Variants in HMGB1 observed in about 807,000 individuals in gnomAD.
The protein encoded by HMGB1 is high mobility group protein B1.
For synonymous variants in HMGB1, 81 were observed against 84.0 expected (o/e 0.96, Z 0.19); for missense variants, 79 against 253.5 (o/e 0.31, Z 4.67).
chr13:30,532,104 C>T (rs545461635), intron 1 of HMGB1, among the ~76,000 whole-genome samples: 4 of 151,830 alleles, frequency 2.6e-5, no homozygotes, highest in Admixed American at 1.3e-4. Flanking sequence ...TTTGGGAGGC[C>T]GAGGCGAGCA....
Position 30,538,451 on chromosome 13 carries a change from ATTCTTTCTTTCT to A in HMGB1, c.-14-74769_-14-74758del, listed in dbSNP as rs760828749. Among the ~76,000 whole-genome samples the A allele has an allele frequency of 5.4e-3, 487 of 90,654 alleles. 35 individuals carry two copies. Among genetic ancestry groups the A allele is most frequent in the Non-Finnish European group, 6.7e-3 (325 of 48,374 alleles). 59.5% of individuals were successfully genotyped at this position (90,654 alleles called of 152,430 possible). On this transcript the variant is annotated intron_variant, in intron 1 of 4. Coordinates refer to the HMGB1 transcript ENST00000405805. ...ACCACTGCAGTAACTAGTACTAGCA[ATTCTTTCTTTCT>A]TTCTTTCTTTCTTTCTTTCTTTCTT... is the stretch of plus-strand genomic sequence containing the variant.
intron 1 of HMGB1, among the ~76,000 whole-genome samples, chr13:30,538,575 T>TC (rs1868632437): frequency 6.8e-6 from 1 of 146,454 alleles, no homozygotes; most frequent in African/African-American, 2.6e-5. Context: ...TCTTTTTCTT[T>TC]CTTTCTTTCT....
intron 1 of HMGB1, among the ~76,000 whole-genome samples, chr13:30,524,447 C>G (rs569991485): frequency 6.6e-6 from 1 of 151,282 alleles, no homozygotes; most frequent in East Asian, 1.9e-4. Flanking sequence ...AGGAAACTTA[C>G]AATCGTGGTG....
At chr13:30,505,356 T>A (rs1436869011) in intron 1 of HMGB1, among the ~76,000 whole-genome samples, 2 of 152,180 alleles carry the variant, frequency 1.3e-5, no homozygotes, top group East Asian at 1.9e-4. Flanking sequence ...TTTTTTGTAT[T>A]TTTAGTAGAG....
rs558065970 is a variant in HMGB1 at position 30,609,028 on chromosome 13, A to G, written c.-15+7643T>C. On this transcript the variant is annotated intron_variant, in intron 1 of 4. Transcript: ENST00000405805. ...TGTAATCCCAGCACTTGGGGAGGCC[A>G]AGGCGGGTGGATCACGAGGTCAGGA... is the stretch of plus-strand genomic sequence containing the variant. 8.6e-4 allele frequency among the ~76,000 whole-genome samples: 120 copies of G among 139,674 alleles called. 1 individual carries two copies. Among genetic ancestry groups the G allele is most frequent in the Non-Finnish European group, 1.7e-3 (99 of 59,844 alleles). The allele number at this position is 139,674 out of a possible 152,430, so 91.6% of individuals were successfully genotyped here. A position where few individuals can be genotyped will look rare whatever the true frequency, so the allele number is the denominator to read the frequency against.
chr13:30,598,503 C>A (rs1011096082), intron 1 of HMGB1, among the ~76,000 whole-genome samples: 19 of 152,170 alleles, frequency 1.2e-4, no homozygotes, highest in African/African-American at 3.9e-4. Flanking sequence ...CAACTGGCCT[C>A]CTCATTTTTC....
intron 1 of HMGB1, chr13:30,553,701 G>T: frequency 1.0e-6 from 1 of 954,426 alleles, no homozygotes; most frequent in Non-Finnish European, 1.7e-6. Context: ...GGAGTTCAAG[G>T]AGTTGGATGC....
chr13:30,493,957 T>C (rs1458658511), intron 1 of HMGB1, among the ~76,000 whole-genome samples: 1 of 151,480 alleles, frequency 6.6e-6, no homozygotes, highest in Non-Finnish European at 1.5e-5. Context: ...AAAAAAAAAA[T>C]TGGGAAAATG....
chr13:30,522,109 CTT>C (rs35096026), intron 1 of HMGB1, among the ~76,000 whole-genome samples: 2 of 130,154 alleles, frequency 1.5e-5, no homozygotes, highest in Non-Finnish European at 1.6e-5. Context: ...AATTATGATA[CTT>C]TTTTTTTTTT....
At chr13:30,578,563 T>C (rs1870763243) in intron 1 of HMGB1, among the ~76,000 whole-genome samples, 1 of 152,028 alleles carries the variant, frequency 6.6e-6, no homozygotes, top group Non-Finnish European at 1.5e-5. Context: ...TTCCTAACTC[T>C]AATCTCTCTT....
At chr13:30,614,949 A>G (rs1161405566) in intron 1 of HMGB1, among the ~76,000 whole-genome samples, 1 of 148,098 alleles carries the variant, frequency 6.8e-6, no homozygotes, top group Non-Finnish European at 1.5e-5. Context: ...TGACCTCGTG[A>G]TCCACCCACC....
chr13:30,613,868 T>G (rs1950535816), intron 1 of HMGB1, among the ~76,000 whole-genome samples: 1 of 152,018 alleles, frequency 6.6e-6, no homozygotes, highest in Non-Finnish European at 1.5e-5. Context: ...AGGTCTTCAT[T>G]GCACAATGCT....
At chr13:30,544,887 G>C (rs1421110507) in intron 1 of HMGB1, among the ~76,000 whole-genome samples, 1 of 152,168 alleles carries the variant, frequency 6.6e-6, no homozygotes, top group African/African-American at 2.4e-5. Context: ...AGGACAGGCA[G>C]AGAACTGGCG....
At position 30,533,938 on chromosome 13, in the gene HMGB1, C is replaced by T. The variant is rs1387782966; in HGVS notation, c.-14-70244G>A. 2.0e-5 allele frequency among the ~76,000 whole-genome samples: 3 copies of T among 147,738 alleles called. No homozygotes were observed. The East Asian group carries it at 6.1e-4, about 30-fold the overall frequency. ...GGAGTGCAATGGTGTGATCTCGGCT[C>T]ACCGCAACCTCCGCCTCCCAGGTTC... On this transcript the variant is annotated intron_variant, in intron 1 of 4. Transcript: ENST00000405805.
intron 1 of HMGB1, among the ~76,000 whole-genome samples, chr13:30,554,920 CCTT>C: frequency 6.6e-6 from 1 of 152,068 alleles, no homozygotes; most frequent in East Asian, 1.9e-4. Flanking sequence ...GGCTTGCTAA[CCTT>C]CTAGATTGCC....
At chr13:30,603,643 C>G (rs1950425216) in intron 1 of HMGB1, among the ~76,000 whole-genome samples, 2 of 152,132 alleles carry the variant, frequency 1.3e-5, no homozygotes, top group Non-Finnish European at 2.9e-5. Flanking sequence ...GCATGAGCAG[C>G]CCAGGTGAGA....
At chr13:30,569,400 C>T (rs1314851191) in intron 1 of HMGB1, among the ~76,000 whole-genome samples, 1 of 151,942 alleles carries the variant, frequency 6.6e-6, no homozygotes, top group African/African-American at 2.4e-5. Flanking sequence ...AGACATTATC[C>T]CTGTGTTAAA....
chr13:30,505,662 C>T (rs1374401619), intron 1 of HMGB1, among the ~76,000 whole-genome samples: 1 of 151,996 alleles, frequency 6.6e-6, no homozygotes, highest in Non-Finnish European at 1.5e-5. Context: ...TATAACGAAA[C>T]CCCCTGTACC....
At chr13:30,466,400 T>A (rs893610300), upstream of HMGB1, among the ~76,000 whole-genome samples, 1 of 151,480 alleles carries the variant, frequency 6.6e-6, no homozygotes, top group African/African-American at 2.4e-5. Context: ...TGGGATCATG[T>A]CCCCTGAAAA....
Sources: allele counts gnomAD v4.1 joint callset (sites outside exome capture counted in the v4.1 genomes callset), GRCh38; gene constraint gnomAD v4.1.1; transcripts MANE v1.5; gene names NCBI Gene and HGNC (gene_info 2026-07-23, HGNC 2026-07-21).